C3orf33: variants seen among roughly 807,000 people sequenced by gnomAD.
C3orf33 encodes the protein AP-1 activity suppressor.
In C3orf33, 23 loss-of-function variants were observed where a neutral mutation model predicts 28.7. That is an observed-to-expected ratio of 0.80 (90% CI 0.58 to 1.13). The LOEUF (loss-of-function observed/expected upper bound fraction) is 1.13, where lower values mean the gene tolerates loss of function less well. Ranked by LOEUF, C3orf33 falls within the 50% of genes most tolerant of loss-of-function variation. The pLI is 0.00. For missense variants in C3orf33, 327 were observed against 353.4 expected (o/e 0.93, Z 0.60); for synonymous variants, 119 against 120.5 (o/e 0.99, Z 0.08).
chr3:155,763,459 C>T lies in C3orf33; in HGVS notation c.*58G>A. On this transcript the variant is annotated 3_prime_UTR_variant, in exon 5 of 5. Transcript: ENST00000340171. ...TCCATTTTGATTCAATGAAAAACGT[C>T]CATATATTTACATATTTCACTCTTT... 1 of 1,279,400 alleles carries T rather than the reference C, an allele frequency of 7.8e-7. No homozygotes were observed. Among genetic ancestry groups the T allele is most frequent in the Non-Finnish European group, 1.0e-6 (1 of 978,666 alleles). 79.3% of individuals were successfully genotyped at this position (1,279,400 alleles called of 1,614,324 possible). A position where few individuals can be genotyped will look rare whatever the true frequency, so the allele number is the denominator to read the frequency against.
intron 1 of C3orf33, chr3:155,804,154 G>A (rs751736741): frequency 2.4e-6 from 1 of 417,342 alleles, no homozygotes; most frequent in Non-Finnish European, 4.7e-6. Context: ...CCAGCCTGGG[G>A]GACAAGTGCA....
At chr3:155,764,451 G>C (rs1750332051) in intron 4 of C3orf33, among the ~76,000 whole-genome samples, 1 of 152,064 alleles carries the variant, frequency 6.6e-6, no homozygotes, top group Non-Finnish European at 1.5e-5. Flanking sequence ...CATAAAAATA[G>C]TCTTGGCCAT....
In C3orf33 at chr3:155,763,634, A is replaced by G; in HGVS notation, c.768T>C (p.Ser256=). ...AAGTCCTTTTAAGTTTTTCATAATA[A>G]CTTTCTTTTTTCAAGCTGAAATCTG... is the stretch of plus-strand genomic sequence containing the variant. ...TGSDFSLKKE[S]YYEKLKRTYE... Residue 256 remains serine, a synonymous_variant, in exon 5 of 5, where the codon AGT becomes AGC. Transcript: ENST00000340171. 6.3e-7 allele frequency: 1 copy of G among 1,596,408 alleles called. No homozygotes were observed. Among genetic ancestry groups the G allele is most frequent in the Non-Finnish European group, 8.5e-7 (1 of 1,175,608 alleles).
chr3:155,763,566 A>G lies in C3orf33; in HGVS notation c.836T>C (p.Leu279Pro). Residue 279 changes from leucine (L) to proline (P), a missense_variant, in exon 5 of 5, where the codon CTG becomes CCG. Coordinates refer to ENST00000340171, the MANE Select transcript of C3orf33 (RefSeq NM_001308229.2). ...GCGACTTATAAGTTCTCTGAACTTC[A>G]GTATTAAGGAGCAGTTGTTCATGTT... ...KDNMNNCSLILKFRELISRIN... is the reference protein window; with the variant it reads ...KDNMNNCSLIPKFRELISRIN... The G allele has an allele frequency of 6.4e-7, 1 of 1,550,884 alleles. No homozygotes were observed. Among genetic ancestry groups the G allele is most frequent in the Non-Finnish European group, 8.6e-7 (1 of 1,159,080 alleles).
chr3:155,789,571 C>T (rs933207856), intron 2 of C3orf33, among the ~76,000 whole-genome samples: 5 of 152,020 alleles, frequency 3.3e-5, no homozygotes, highest in East Asian at 3.9e-4. Flanking sequence ...AATACAATCC[C>T]TATCAAAATC....
At chr3:155,783,431 AG>A (rs1435724899) in intron 2 of C3orf33, among the ~76,000 whole-genome samples, 1 of 149,694 alleles carries the variant, frequency 6.7e-6, no homozygotes, top group African/African-American at 2.5e-5. Context: ...TTGGGATTAC[AG>A]GCATGAGCCA....
chr3:155,782,686 C>T (rs914211814), intron 2 of C3orf33, among the ~76,000 whole-genome samples: 12 of 152,238 alleles, frequency 7.9e-5, no homozygotes, highest in South Asian at 2.1e-4. Context: ...AAGACATTTC[C>T]GGATAAATAC....
At chr3:155,784,763 A>C (rs910988874) in intron 2 of C3orf33, among the ~76,000 whole-genome samples, 1 of 151,062 alleles carries the variant, frequency 6.6e-6, no homozygotes, top group African/African-American at 2.4e-5. Context: ...TAATTAAATA[A>C]ATAAAATAAA....
intron 2 of C3orf33, among the ~76,000 whole-genome samples, chr3:155,801,593 T>TGG: frequency 6.6e-6 from 1 of 151,822 alleles, no homozygotes; most frequent in Non-Finnish European, 1.5e-5. Flanking sequence ...ATCTTAGTAA[T>TGG]ACCAGGCTAA....
chr3:155,779,071 T>C (rs986674598), intron 2 of C3orf33, among the ~76,000 whole-genome samples: 5 of 152,232 alleles, frequency 3.3e-5, no homozygotes, highest in African/African-American at 9.6e-5. Flanking sequence ...ATATGGGTGA[T>C]ATTTAGAGAT....
chr3:155,803,047 T>C (rs896595493), intron 1 of C3orf33, among the ~76,000 whole-genome samples: 1 of 152,110 alleles, frequency 6.6e-6, no homozygotes, highest in African/African-American at 2.4e-5. Context: ...GCATCCATAG[T>C]AGGAATTTAA....
chr3:155,765,002 A>G (rs563634904), intron 4 of C3orf33, among the ~76,000 whole-genome samples: 1 of 152,340 alleles, frequency 6.6e-6, no homozygotes, highest in South Asian at 2.1e-4. Flanking sequence ...TAAAGCAATT[A>G]TCATATTTTT....
intron 2 of C3orf33, among the ~76,000 whole-genome samples, chr3:155,780,057 A>G (rs983050768): frequency 1.3e-5 from 2 of 152,252 alleles, no homozygotes; most frequent in African/African-American, 4.8e-5. Context: ...CCAGAATATA[A>G]GTGTAGAGCA....
At chr3:155,776,657 A>T (rs960161293) in intron 2 of C3orf33, among the ~76,000 whole-genome samples, 6 of 151,154 alleles carry the variant, frequency 4.0e-5, no homozygotes, top group African/African-American at 7.3e-5. Context: ...ATGGTAACAC[A>T]GAACAGGAGG....
intron 1 of C3orf33, among the ~76,000 whole-genome samples, chr3:155,804,786 C>T (rs1444494343): frequency 6.6e-6 from 1 of 152,152 alleles, no homozygotes; most frequent in African/African-American, 2.4e-5. Flanking sequence ...GCTTTAAATG[C>T]TACTTAAGGT....
chr3:155,774,885 C>T (rs1482560415), intron 3 of C3orf33, among the ~76,000 whole-genome samples: 1 of 151,984 alleles, frequency 6.6e-6, no homozygotes, highest in Non-Finnish European at 1.5e-5. Context: ...AGCTAGCCTC[C>T]TCTTAATTCT....
In C3orf33 at chr3:155,767,632, T is replaced by C; in HGVS notation, c.360A>G (p.Gly120=). The change falls in exon 4 of 5, where the codon GGA becomes GGG. Residue 120 remains glycine (G), a synonymous_variant. Coordinates refer to ENST00000340171, the MANE Select transcript of C3orf33 (RefSeq NM_001308229.2). The part of the protein sequence containing the change: ...PRGALLVKLA[G]VELAETGKAW... ...CCTTCCCAGTTTCAGCGAGTTCTAC[T>C]CCAGCCAACTTAACCAGCAAAGCAC... The C allele has an allele frequency of 6.3e-7, 1 of 1,580,876 alleles. No homozygotes were observed. Among genetic ancestry groups the C allele is most frequent in the Non-Finnish European group, 8.6e-7 (1 of 1,159,874 alleles).
In C3orf33 at chr3:155,763,781, T is replaced by C. The variant is rs778772192; in HGVS notation, c.621A>G (p.Thr207=). The change falls in exon 5 of 5, where the codon ACA becomes ACG. Residue 207 remains threonine, a synonymous_variant. Transcript: ENST00000340171. ...VHRNLLKAEL[T]ALKKGEGIWK... is the part of the protein sequence containing the mutation. ...ATATTCCTTCTCCTTTTTTTAAGGC[T>C]GTTAATTCAGCTTTAAGTAAGTTTC... 3.7e-6 allele frequency: 6 copies of C among 1,606,622 alleles called. No individual in the cohort carries two copies. Among genetic ancestry groups the C allele is most frequent in the Non-Finnish European group, 5.1e-6 (6 of 1,177,462 alleles).
intron 2 of C3orf33, among the ~76,000 whole-genome samples, chr3:155,802,200 A>T (rs539041461): frequency 6.6e-6 from 1 of 152,390 alleles, no homozygotes; most frequent in South Asian, 2.1e-4. Flanking sequence ...ATCAAAAAGC[A>T]CCACAAGAAA....
Sources: gnomAD v4.1 joint callset for allele counts (sites outside exome capture counted in the v4.1 genomes callset) on GRCh38, gnomAD v4.1.1 for gene constraint, MANE v1.5 for transcripts, NCBI Gene and HGNC (gene_info 2026-07-23, HGNC 2026-07-21) for gene names.